The following ULK4 variants were observed in gnomAD, a reference collection of about 807,000 sequenced individuals.
ULK4 encodes the protein unc-51 like kinase 4.
A neutral mutation model predicts 160.6 loss-of-function variants in ULK4; 133 were observed. The ratio of observed to expected loss-of-function variants is 0.83; its 90% CI spans 0.72 to 0.96. The LOEUF (loss-of-function observed/expected upper bound fraction) is 0.96, where lower values mean the gene tolerates loss of function less well. Ranked by LOEUF, ULK4 falls within the 40% of genes least tolerant of loss-of-function variation. The pLI is 0.00. For missense variants in ULK4, 1,580 were observed against 1,499.5 expected, an observed-to-expected ratio of 1.05 and a Z score of -0.89; for synonymous variants, 534 against 539.8, an observed-to-expected ratio of 0.99 and a Z score of 0.15.
chr3:41,424,409 C>A (rs2082730828), intron 34 of ULK4, among the ~76,000 whole-genome samples: 1 of 152,204 alleles, frequency 6.6e-6, no homozygotes, highest in South Asian at 2.1e-4. Flanking sequence ...ACCTCCTCCA[C>A]CAGAAGGACC....
chr3:41,950,777 CA>C (rs1022562855), intron 2 of ULK4, among the ~76,000 whole-genome samples: 2 of 151,986 alleles, frequency 1.3e-5, no homozygotes, highest in African/African-American at 4.8e-5. Flanking sequence ...GAATAAAACA[CA>C]TAGGAATTAA....
At chr3:41,601,207 C>T (rs928282017) in intron 31 of ULK4, among the ~76,000 whole-genome samples, 8 of 151,898 alleles carry the variant, frequency 5.3e-5, no homozygotes, top group South Asian at 4.2e-4. Context: ...GGGTAAATAA[C>T]GACATTAAAA....
chr3:41,765,073 T>C (rs9879994), intron 21 of ULK4, among the ~76,000 whole-genome samples: 8,509 of 152,212 alleles, frequency 0.056, 430 homozygotes, highest in East Asian at 0.17. Flanking sequence ...ACCCAAAGGA[T>C]TATAAATCAT....
chr3:41,316,125 G>A (rs188699782), intron 35 of ULK4, among the ~76,000 whole-genome samples: 192 of 152,206 alleles, frequency 1.3e-3, no homozygotes, highest in African/African-American at 4.5e-3. Context: ...TAGCAAAAGG[G>A]GGAAAAGCCC....
intron 19 of ULK4, among the ~76,000 whole-genome samples, chr3:41,804,748 C>T (rs539635277): frequency 7.9e-5 from 12 of 152,240 alleles, no homozygotes; most frequent in African/African-American, 2.6e-4. Context: ...GAATGCTTTC[C>T]CCATTGCTTG....
At position 41,367,021 on chromosome 3, in the gene ULK4, G is replaced by A. The variant is rs116121400; in HGVS notation, c.3678+31058C>T. 4.1e-3 allele frequency among the ~76,000 whole-genome samples: 627 copies of A among 152,270 alleles called. 2 individuals are homozygous for A. Among genetic ancestry groups the A allele is most frequent in the African/African-American group, 0.014 (598 of 41,554 alleles). ...TACTGGGATTTAAAATCTGAAAGTC[G>A]TATTTTACGGAAATCTTTCAAGTTG... On this transcript the variant is annotated intron_variant, in intron 35 of 36. Coordinates refer to ENST00000301831, the MANE Select transcript of ULK4 (RefSeq NM_017886.4).
chr3:41,908,201 T>C (rs1698648088), intron 11 of ULK4, among the ~76,000 whole-genome samples: 2 of 152,224 alleles, frequency 1.3e-5, no homozygotes, highest in Non-Finnish European at 2.9e-5. Flanking sequence ...TTTTTATAAA[T>C]GTCTTCTGGT....
chr3:41,736,971 T>C (rs956012634), intron 22 of ULK4, among the ~76,000 whole-genome samples: 2 of 151,910 alleles, frequency 1.3e-5, no homozygotes, highest in African/African-American at 4.9e-5. Context: ...ATTGCTTGTG[T>C]TTGTCAGGTT....
At chr3:41,835,072 T>A (rs1406620327) in intron 18 of ULK4, among the ~76,000 whole-genome samples, 3 of 152,100 alleles carry the variant, frequency 2.0e-5, no homozygotes, top group Non-Finnish European at 2.9e-5. Flanking sequence ...CATAACAATA[T>A]CAGTTCTCCT....
chr3:41,572,765 CA>C (rs34025379), intron 31 of ULK4, among the ~76,000 whole-genome samples: 3,953 of 81,296 alleles, frequency 0.049, 123 homozygotes, highest in African/African-American at 0.12. Context: ...GATTCCATCT[CA>C]AAAAAAAAAA....
intron 21 of ULK4, among the ~76,000 whole-genome samples, chr3:41,770,916 G>A (rs1392487686): frequency 6.6e-6 from 1 of 152,154 alleles, no homozygotes; most frequent in Non-Finnish European, 1.5e-5. Context: ...AATTTCTAAA[G>A]AAGCCTTTTT....
chr3:41,881,591 A>G (rs1249685325), intron 17 of ULK4, among the ~76,000 whole-genome samples: 1 of 152,224 alleles, frequency 6.6e-6, no homozygotes, highest in Non-Finnish European at 1.5e-5. Context: ...CACCTAGCTC[A>G]ATTTCAAGTT....
At chr3:41,960,369 CT>C (rs11456275) in intron 1 of ULK4, among the ~76,000 whole-genome samples, 74 of 135,040 alleles carry the variant, frequency 5.5e-4, no homozygotes, top group Admixed American at 7.8e-4. Context: ...AAATGATTTT[CT>C]TTTTTTTTTT....
chr3:41,447,441 T>C (rs1000389462), intron 34 of ULK4, among the ~76,000 whole-genome samples: 5 of 152,092 alleles, frequency 3.3e-5, no homozygotes, highest in African/African-American at 4.8e-5. Flanking sequence ...GCAGGCAGCC[T>C]TGGCCAATAA....
At position 41,936,090 on chromosome 3, in the gene ULK4, T is replaced by C. The variant is rs144578697; in HGVS notation, c.239-150A>G. Reference sequence around the variant, plus strand: ...GTCAAGGAACACACATGTGAGTAAATACAGTGGCCCGAGCACTGCAACAGA... The same window carrying C: ...GTCAAGGAACACACATGTGAGTAAACACAGTGGCCCGAGCACTGCAACAGA... On this transcript the variant is annotated intron_variant, in intron 3 of 36. Coordinates refer to ENST00000301831, the MANE Select transcript of ULK4 (RefSeq NM_017886.4). 3.0e-6 allele frequency: 3 copies of C among 1,001,176 alleles called. No homozygotes were observed. In the East Asian group the frequency reaches 7.9e-5, roughly 26 times the overall value. 62.0% of individuals were successfully genotyped at this position (1,001,176 alleles called of 1,614,324 possible). A position where few individuals can be genotyped will look rare whatever the true frequency, so the allele number is the denominator to read the frequency against.
At chr3:41,766,605 CA>C (rs1195815564) in intron 21 of ULK4, 1 of 152,190 alleles carries the variant, frequency 6.6e-6, no homozygotes, top group African/African-American at 2.4e-5. Flanking sequence ...TGATAAAAGA[CA>C]GGGGAGGTAA....
chr3:41,896,014 ACT>A (rs138180646), intron 15 of ULK4, among the ~76,000 whole-genome samples: 367 of 152,256 alleles, frequency 2.4e-3, no homozygotes, highest in African/African-American at 7.8e-3. Flanking sequence ...AACCAAAAAA[ACT>A]CTGACAAATT....
intron 30 of ULK4, among the ~76,000 whole-genome samples, chr3:41,624,763 TTTC>T (rs759904116): frequency 3.9e-5 from 6 of 151,990 alleles, no homozygotes; most frequent in Non-Finnish European, 7.4e-5. Flanking sequence ...CAAATGAGAG[TTTC>T]TTGTTTCTTT....
chr3:41,902,064 G>GA (rs896428987), intron 12 of ULK4, among the ~76,000 whole-genome samples: 116 of 144,842 alleles, frequency 8.0e-4, no homozygotes, highest in African/African-American at 2.4e-3. Context: ...TCCCAACAGG[G>GA]AAAAAAAAAA....
Sources: allele counts gnomAD v4.1 joint callset (sites outside exome capture counted in the v4.1 genomes callset), GRCh38; gene constraint gnomAD v4.1.1; transcripts MANE v1.5; gene names NCBI Gene and HGNC (gene_info 2026-07-23, HGNC 2026-07-21).